NCMAP: variants seen among roughly 807,000 people sequenced by gnomAD.
NCMAP encodes non-compact myelin associated protein, also known as noncompact myelin-associated protein.
Under a neutral mutation model 7.8 loss-of-function variants are expected in NCMAP, and 8 were observed. The observed-to-expected ratio is 1.02, with a 90% CI of 0.60 to 1.84. The LOEUF (loss-of-function observed/expected upper bound fraction) is 1.84, where lower values mean the gene tolerates loss of function less well. NCMAP is among the 40% of genes most tolerant of loss of function. The pLI is 0.00. For missense variants in NCMAP, 112 were observed against 131.4 expected, an observed-to-expected ratio of 0.85 and a Z score of 0.72; for synonymous variants, 41 against 52.9, an observed-to-expected ratio of 0.78 and a Z score of 0.98.
chr1:24,568,419 G>C (rs970478390), intron 1 of NCMAP, among the ~76,000 whole-genome samples: 2 of 152,112 alleles, frequency 1.3e-5, no homozygotes, highest in African/African-American at 4.8e-5. Context: ...GGGTCCCCAG[G>C]GACCTCGGTG....
At chr1:24,569,289 C>CGGCCAACGGGACTG (rs1651321579) in intron 1 of NCMAP, among the ~76,000 whole-genome samples, 33 of 151,170 alleles carry the variant, frequency 2.2e-4, no homozygotes, top group African/African-American at 7.9e-4. Flanking sequence ...CCACCATGTC[C>CGGCCAACGGGACTG]AGTCCCAACA....
intron 1 of NCMAP, among the ~76,000 whole-genome samples, chr1:24,587,526 C>G (rs1390348857): frequency 6.6e-6 from 1 of 151,804 alleles, no homozygotes; most frequent in Admixed American, 6.6e-5. Flanking sequence ...CTTTTCTTTT[C>G]TTTTTTTTAC....
At position 24,580,769 on chromosome 1, in the gene NCMAP, T is replaced by C. The variant is rs141238563; in HGVS notation, c.-7-14655T>C. 6.9e-3 allele frequency among the ~76,000 whole-genome samples: 1,056 copies of C among 152,286 alleles called. 5 individuals carry two copies. Among genetic ancestry groups the C allele is most frequent in the African/African-American group, 0.024 (1,014 of 41,556 alleles). ...CCACTGCGCCCAGGCAGTCTTCCTC[T>C]GTTTAGCCCCACCTGGCACCCTGAC... On this transcript the variant is annotated intron_variant, in intron 1 of 3. Transcript: ENST00000374392.
Position 24,600,905 on chromosome 1 carries a change from C to T in NCMAP, c.83-35C>T, listed in dbSNP as rs750235923. 13 of 1,599,354 alleles carry T rather than the reference C, an allele frequency of 8.1e-6. No homozygotes were observed. The African/African-American group carries it at 1.1e-4, about 13-fold the overall frequency. On this transcript the variant is annotated intron_variant, in intron 2 of 3. Transcript: ENST00000374392. ...GCCCTCCTGGTCTGCGTTCAGTTTGCACATTCACGGTCTCTGCTTCTCTCC... is the reference window on the plus strand; with the variant it reads ...GCCCTCCTGGTCTGCGTTCAGTTTGTACATTCACGGTCTCTGCTTCTCTCC...
chr1:24,595,613 TG>T, intron 2 of NCMAP, 101 bp downstream of exon 2: 1 of 901,314 alleles, frequency 1.1e-6, no homozygotes. Context: ...GTGGACTGCC[TG>T]GGTCTCAGGC....
intron 1 of NCMAP, among the ~76,000 whole-genome samples, chr1:24,566,712 G>A (rs953314053): frequency 2.6e-5 from 4 of 152,190 alleles, no homozygotes; most frequent in Non-Finnish European, 5.9e-5. Flanking sequence ...AGAGGCTGGA[G>A]GCTTCTATTC....
chr1:24,571,615 T>C (rs978766927), intron 1 of NCMAP, among the ~76,000 whole-genome samples: 1 of 150,478 alleles, frequency 6.6e-6, no homozygotes, highest in Non-Finnish European at 1.5e-5. Context: ...AGATGGAGTC[T>C]TGCTCTGTCG....
intron 1 of NCMAP, among the ~76,000 whole-genome samples, chr1:24,577,752 A>G (rs566352836): frequency 2.6e-4 from 39 of 152,188 alleles, no homozygotes; most frequent in African/African-American, 9.2e-4. Context: ...GTAGGTGACT[A>G]TGAAGTGACT....
chr1:24,607,837 C>G lies in NCMAP; in HGVS notation c.*2090C>G, dbSNP rs1652814616. On this transcript the variant is annotated 3_prime_UTR_variant, in exon 4 of 4. Transcript: ENST00000374392. Reference sequence around the variant, plus strand: ...CAAGATCGTGCCACTGCACTCCAGCCTGGGCAACAGAGTGAAACTGCATCT... The same window carrying G: ...CAAGATCGTGCCACTGCACTCCAGCGTGGGCAACAGAGTGAAACTGCATCT... The G allele has an allele frequency of 6.6e-6, 1 of 152,442 alleles. No homozygotes were observed. Among genetic ancestry groups the G allele is most frequent in the Admixed American group, 6.5e-5 (1 of 15,288 alleles). The allele number at this position is 152,442 out of a possible 1,614,324, so 9.4% of individuals were successfully genotyped here.
intron 2 of NCMAP, among the ~76,000 whole-genome samples, chr1:24,597,623 GAAAGAAAGAAAGAAAGAAAGAAAGAA>G (rs1652288386): frequency 1.1e-5 from 1 of 91,512 alleles, no homozygotes; most frequent in African/African-American, 5.4e-5. Flanking sequence ...GAAAGAGAAA[GAAAGAAAGAAAGAAAGAAAGAAAGAA>G]AGAAAGAAAG....
At chr1:24,561,220 A>G (rs1651041197) in intron 1 of NCMAP, among the ~76,000 whole-genome samples, 1 of 150,014 alleles carries the variant, frequency 6.7e-6, no homozygotes, top group Non-Finnish European at 1.5e-5. Flanking sequence ...GGTGGCGAGC[A>G]CCTGTAATCT....
At position 24,602,517 on chromosome 1, in the gene NCMAP, C is replaced by T. The variant is rs555102486; in HGVS notation, c.167+1493C>T. 9.8e-5 allele frequency among the ~76,000 whole-genome samples: 11 copies of T among 111,872 alleles called. No individual in the cohort carries two copies. In the South Asian group the frequency reaches 2.7e-3, roughly 28 times the overall value. 73.4% of individuals were successfully genotyped at this position (111,872 alleles called of 152,430 possible). A position where few individuals can be genotyped will look rare whatever the true frequency, so the allele number is the denominator to read the frequency against. ...CCCGGAAGGCGGAGCTTGCAGTGAG[C>T]GGAGATCGCGCCACAGCACTCCCGC... On this transcript the variant is annotated intron_variant, in intron 3 of 3. Coordinates refer to ENST00000374392, the MANE Select transcript of NCMAP (RefSeq NM_001010980.5).
chr1:24,592,448 C>T (rs1652075930), intron 1 of NCMAP, among the ~76,000 whole-genome samples: 1 of 151,856 alleles, frequency 6.6e-6, no homozygotes, highest in African/African-American at 2.4e-5. Context: ...TGTACAGCCA[C>T]AATATATACA....
At chr1:24,561,805 G>T (rs1651061448) in intron 1 of NCMAP, among the ~76,000 whole-genome samples, 1 of 151,986 alleles carries the variant, frequency 6.6e-6, no homozygotes, top group Non-Finnish European at 1.5e-5. Context: ...AGCTACTTGG[G>T]ATGCCGAGGG....
chr1:24,583,772 G>T (rs1651803853), intron 1 of NCMAP, among the ~76,000 whole-genome samples: 1 of 151,546 alleles, frequency 6.6e-6, no homozygotes, highest in African/African-American at 2.4e-5. Flanking sequence ...CCCTAGCAGG[G>T]TCACTGACCA....
At chr1:24,588,385 A>G (rs945511346) in intron 1 of NCMAP, among the ~76,000 whole-genome samples, 11 of 152,016 alleles carry the variant, frequency 7.2e-5, no homozygotes, top group Admixed American at 2.0e-4. Context: ...ATCAATCCCA[A>G]TGTTTTGGTG....
At position 24,595,473 on chromosome 1, in the gene NCMAP, C is replaced by G. The variant is rs1557601741; in HGVS notation, c.43C>G (p.Leu15Val). The G allele has an allele frequency of 1.2e-6, 2 of 1,614,112 alleles. No homozygotes were observed. The highest frequency in any genetic ancestry group is 3.3e-5 in the Admixed American group (2 of 60,036). ...TPLGDTTFFS[L>V]NMTTRGEDFL... ...TCTGGGGGATACCACCTTCTTCTCA[C>G]TGAACATGACCACCAGGGGAGAAGA... Residue 15 changes from leucine (L) to valine (V), a missense_variant, in exon 2 of 4, where the codon CTG (leucine) becomes GTG (valine). Coordinates refer to ENST00000374392, the MANE Select transcript of NCMAP (RefSeq NM_001010980.5).
At chr1:24,560,021 C>G (rs1004837164) in intron 1 of NCMAP, among the ~76,000 whole-genome samples, 1 of 151,922 alleles carries the variant, frequency 6.6e-6, no homozygotes, top group African/African-American at 2.4e-5. Flanking sequence ...ATTAGCCGGG[C>G]GTGGTGGCGG....
At chr1:24,603,699 T>C (rs1326144050) in intron 3 of NCMAP, among the ~76,000 whole-genome samples, 1 of 152,238 alleles carries the variant, frequency 6.6e-6, no homozygotes, top group Non-Finnish European at 1.5e-5. Flanking sequence ...GTCTTTGTTC[T>C]TAGGAGTATT....
Sources: gnomAD v4.1 joint callset for allele counts (sites outside exome capture counted in the v4.1 genomes callset) on GRCh38, gnomAD v4.1.1 for gene constraint, MANE v1.5 for transcripts, NCBI Gene and HGNC (gene_info 2026-07-23, HGNC 2026-07-21) for gene names.